PPP1R12A: variants seen among roughly 807,000 people sequenced by gnomAD.
PPP1R12A encodes the protein protein phosphatase 1 regulatory subunit 12A, also known as myosin binding subunit.
Under a neutral mutation model 139.6 loss-of-function variants are expected in PPP1R12A, and 19 were observed. The ratio of observed to expected loss-of-function variants is 0.14; its 90% confidence interval spans 0.09 to 0.20. PPP1R12A has a LOEUF of 0.20. PPP1R12A is among the 10% of genes least tolerant of loss of function. PPP1R12A has a pLI of 1.00. For missense variants in PPP1R12A, 925 were observed against 1,211.5 expected, an observed-to-expected ratio of 0.76 and a Z score of 3.51; for synonymous variants, 427 against 420.6, an observed-to-expected ratio of 1.02 and a Z score of -0.19.
Position 79,817,485 on chromosome 12 carries a change from G to A in PPP1R12A, c.1148C>T (p.Ala383Val), listed in dbSNP as rs571466388. The A allele has an allele frequency of 6.2e-7, 1 of 1,601,968 alleles. No individual in the cohort carries two copies. Among genetic ancestry groups the A allele is most frequent in the East Asian group, 2.2e-5 (1 of 44,550 alleles). The stretch of plus-strand genomic sequence containing the variant: ...AGCTGCTTGTGTACTAGAAGTGTTG[G>A]CATTAGTTACAGAAGCCAGGGGTTT... ...KTKPLASVTN[A>V]NTSSTQAAPV... The change falls in exon 9 of 25, where the codon GCC becomes GTC. Residue 383 changes from alanine to valine, a missense_variant. This residue lies in a region of PPP1R12A where 403 missense variants were observed against 463.7 expected (regional missense o/e 0.87). Transcript: ENST00000450142.
Position 79,823,592 on chromosome 12 carries a change from C to CT in PPP1R12A, c.793-1403dup, listed in dbSNP as rs11310475. 3.1e-4 allele frequency among the ~76,000 whole-genome samples: 44 copies of CT among 141,730 alleles called. No homozygotes were observed. In the South Asian group the frequency reaches 5.4e-3, roughly 17 times the overall value. The allele number at this position is 141,730 out of a possible 152,430, so 93.0% of individuals were successfully genotyped here. On this transcript the variant is annotated intron_variant, in intron 5 of 24. Coordinates refer to ENST00000450142, the MANE Select transcript of PPP1R12A (RefSeq NM_002480.3). ...AAAAGCCATTGTCTATGAAAGGTAT[C>CT]TTTTTTTTTTTTTTTTTTAAAGATA...
chr12:79,810,114 GT>G, intron 9 of PPP1R12A, 104 bp from the exon 10 acceptor site: 1 of 934,006 alleles, frequency 1.1e-6, no homozygotes, highest in South Asian at 1.9e-5. Flanking sequence ...TAAAATTATG[GT>G]TTACAGTTTC....
intron 1 of PPP1R12A, among the ~76,000 whole-genome samples, chr12:79,906,250 A>G (rs1450537054): frequency 6.6e-6 from 1 of 152,204 alleles, no homozygotes; most frequent in Non-Finnish European, 1.5e-5. Flanking sequence ...AAAATCAGCT[A>G]TATGATAAGT....
chr12:79,774,670 G>A lies in PPP1R12A; in HGVS notation c.*1259C>T, dbSNP rs1021054067. ...AAAGGCCACTGAAATGTATAAAATG[G>A]TCTGAACATGATGGTGGTATCAAAG... On this transcript the variant is annotated 3_prime_UTR_variant, in exon 25 of 25. Coordinates refer to ENST00000450142, the MANE Select transcript of PPP1R12A (RefSeq NM_002480.3). 6 of 145,732 alleles carry A rather than the reference G, an allele frequency of 4.1e-5. No homozygotes were observed. Among genetic ancestry groups the A allele is most frequent in the African/African-American group, 1.6e-4 (6 of 37,170 alleles). The allele number at this position is 145,732 out of a possible 1,614,324, so 9.0% of individuals were successfully genotyped here.
intron 12 of PPP1R12A, 46 bp from the exon 13 acceptor site, chr12:79,806,379 T>A: frequency 1.3e-6 from 2 of 1,535,298 alleles, no homozygotes; most frequent in Non-Finnish European, 1.8e-6. Context: ...TGTATGTGTA[T>A]TCTATAGTTA....
intron 2 of PPP1R12A, among the ~76,000 whole-genome samples, chr12:79,857,195 A>G (rs926913349): frequency 2.6e-5 from 4 of 152,120 alleles, no homozygotes; most frequent in African/African-American, 7.2e-5. Flanking sequence ...ATGTCCAACA[A>G]TGATAGACTG....
chr12:79,844,433 T>A (rs1475181971), intron 3 of PPP1R12A, among the ~76,000 whole-genome samples: 1 of 152,204 alleles, frequency 6.6e-6, no homozygotes, highest in Non-Finnish European at 1.5e-5. Flanking sequence ...ATCTTCTTTT[T>A]TTCACACCTT....
intron 2 of PPP1R12A, among the ~76,000 whole-genome samples, chr12:79,853,128 G>A (rs1308903374): frequency 6.6e-6 from 1 of 152,140 alleles, no homozygotes; most frequent in Non-Finnish European, 1.5e-5. Flanking sequence ...ATCCCTACTT[G>A]GCCTTTGCAG....
At chr12:79,929,768 CAA>C (rs562523290) in intron 1 of PPP1R12A, among the ~76,000 whole-genome samples, 4 of 119,844 alleles carry the variant, frequency 3.3e-5, no homozygotes, top group Non-Finnish European at 3.6e-5. Context: ...GACTCCATCT[CAA>C]AAAAAAAAAA....
intron 3 of PPP1R12A, among the ~76,000 whole-genome samples, chr12:79,841,031 G>GTC (rs1320491464): frequency 6.8e-6 from 1 of 147,146 alleles, no homozygotes; most frequent in Non-Finnish European, 1.5e-5. Context: ...TGCTATGTAT[G>GTC]TCTCCAATTC....
chr12:79,927,807 C>T (rs1258736114), intron 1 of PPP1R12A, among the ~76,000 whole-genome samples: 1 of 152,182 alleles, frequency 6.6e-6, no homozygotes, highest in Non-Finnish European at 1.5e-5. Context: ...TATCTGACTC[C>T]AACTGAGAAT....
At position 79,875,890 on chromosome 12, in the gene PPP1R12A, A is replaced by C. The variant is rs371693386; in HGVS notation, c.238-2952T>G. On this transcript the variant is annotated intron_variant, in intron 1 of 24. Transcript: ENST00000450142. Reference sequence around the variant, plus strand: ...CACCAAAGGAAGTTCCTGTTTGTTCATATTTGGGAAAAAAAACTATTTTCT... The same window carrying C: ...CACCAAAGGAAGTTCCTGTTTGTTCCTATTTGGGAAAAAAAACTATTTTCT... 8.9e-4 allele frequency among the ~76,000 whole-genome samples: 135 copies of C among 152,292 alleles called. 3 individuals carry two copies. Among genetic ancestry groups the C allele is most frequent in the African/African-American group, 3.1e-3 (128 of 41,562 alleles).
chr12:79,805,797 A>G (rs999219684), intron 13 of PPP1R12A, 29 bp from the exon 14 acceptor site: 2 of 1,583,018 alleles, frequency 1.3e-6, no homozygotes, highest in Non-Finnish European at 1.7e-6. Flanking sequence ...CAACACAAAA[A>G]AGAGAAAAGG....
intron 5 of PPP1R12A, among the ~76,000 whole-genome samples, chr12:79,826,555 T>G (rs1876799087): frequency 6.6e-6 from 1 of 152,060 alleles, no homozygotes; most frequent in Non-Finnish European, 1.5e-5. Context: ...GAATGACAGA[T>G]AAGGAGTAAA....
intron 1 of PPP1R12A, among the ~76,000 whole-genome samples, chr12:79,933,930 C>T (rs894174011): frequency 2.0e-5 from 3 of 152,172 alleles, no homozygotes; most frequent in Non-Finnish European, 4.4e-5. Flanking sequence ...CTTTCTAACA[C>T]CAGTGCACAC....
Position 79,905,340 on chromosome 12 carries a change from C to CCA in PPP1R12A, c.237+29354_237+29355insTG, listed in dbSNP as rs71900925. Among the ~76,000 whole-genome samples the CCA allele has an allele frequency of 5.9e-4, 6 of 10,244 alleles. No homozygotes were observed. The Non-Finnish European group carries it at 7.1e-3, about 12-fold the overall frequency. The allele number at this position is 10,244 out of a possible 152,430, so 6.7% of individuals were successfully genotyped here. On this transcript the variant is annotated intron_variant, in intron 1 of 24. Coordinates refer to ENST00000450142, the MANE Select transcript of PPP1R12A (RefSeq NM_002480.3). ...TATTCTAGAATGTTTTGTTTTGCCG[C>CCA]CCCCCCCCACCCCTTTTTTTTTGAA...
chr12:79,914,652 G>GGAACAC (rs1487895912), intron 1 of PPP1R12A, among the ~76,000 whole-genome samples: 1 of 151,910 alleles, frequency 6.6e-6, no homozygotes, highest in African/African-American at 2.4e-5. Context: ...TTTTTCAGAG[G>GGAACAC]GGTTCAGCCC....
intron 1 of PPP1R12A, among the ~76,000 whole-genome samples, chr12:79,893,504 C>A (rs1040421313): frequency 6.6e-6 from 1 of 152,132 alleles, no homozygotes; most frequent in Non-Finnish European, 1.5e-5. Context: ...ATCTAGAACA[C>A]ATTAGACAGT....
chr12:79,900,710 G>A (rs73138668), intron 1 of PPP1R12A, among the ~76,000 whole-genome samples: 6,009 of 152,176 alleles, frequency 0.039, 199 homozygotes, highest in Middle Eastern at 0.12. Context: ...TATACACAAC[G>A]AATTTTAAGA....
Sources: allele counts gnomAD v4.1 joint callset (sites outside exome capture counted in the v4.1 genomes callset), GRCh38; gene constraint gnomAD v4.1.1; regional missense constraint gnomAD v4.1.1; transcripts MANE v1.5; gene names NCBI Gene and HGNC (gene_info 2026-07-23, HGNC 2026-07-21).